SLC2A9: variants seen among roughly 807,000 people sequenced by gnomAD.
SLC2A9 encodes solute carrier family 2 member 9.
Under a neutral mutation model 50.6 loss-of-function variants are expected in SLC2A9, and 39 were observed. That is an observed-to-expected ratio of 0.77 (90% CI 0.60 to 1.01). The LOEUF (loss-of-function observed/expected upper bound fraction) is 1.01. Among genes scored for constraint, SLC2A9 ranks in the 50% least tolerant of loss-of-function variants. SLC2A9 has a pLI of 0.00. For missense variants in SLC2A9, 686 were observed against 677.6 expected, an observed-to-expected ratio of 1.01 and a Z score of -0.14; for synonymous variants, 324 against 276.9, an observed-to-expected ratio of 1.17 and a Z score of -1.69.
At chr4:9,997,172 T>C (rs1218826226) in intron 2 of SLC2A9, among the ~76,000 whole-genome samples, 1 of 152,238 alleles carries the variant, frequency 6.6e-6, no homozygotes, top group African/African-American at 2.4e-5. Context: ...GCTAGTTTTT[T>C]TGTGTTTCTT....
At chr4:9,817,041 C>T (rs1212757783) in intron 3 of SLC2A9, among the ~76,000 whole-genome samples, 1 of 152,174 alleles carries the variant, frequency 6.6e-6, no homozygotes, top group African/African-American at 2.4e-5. Context: ...GTCTTCAAGG[C>T]CAGCAGTGCA....
chr4:9,968,367 C>A (rs988047153), intron 5 of SLC2A9, among the ~76,000 whole-genome samples: 2 of 152,120 alleles, frequency 1.3e-5, no homozygotes, highest in Admixed American at 1.3e-4. Flanking sequence ...GAAGGTACAT[C>A]TTTTTGCTTG....
Position 9,849,049 on chromosome 4 carries a change from C to T in SLC2A9, c.1292-14041G>A, listed in dbSNP as rs551357310. ...GAGATGGAGGGCTAACCAGGGTGCA[C>T]GTTCAGTGAGAGCCTGGGCTGCGAT... On this transcript the variant is annotated intron_variant, in intron 10 of 11. Transcript: ENST00000264784. 4.5e-4 allele frequency among the ~76,000 whole-genome samples: 69 copies of T among 152,214 alleles called. 1 individual carries two copies. Among genetic ancestry groups the T allele is most frequent in the Non-Finnish European group, 8.2e-4 (56 of 68,008 alleles).
chr4:9,992,288 GC>G (rs1288872172), intron 3 of SLC2A9, among the ~76,000 whole-genome samples: 3 of 152,196 alleles, frequency 2.0e-5, no homozygotes, highest in African/African-American at 7.2e-5. Flanking sequence ...TTTTTTAAAA[GC>G]ACTTAATCCA....
intron 5 of SLC2A9, among the ~76,000 whole-genome samples, chr4:9,961,605 A>G (rs1404433874): frequency 6.6e-6 from 1 of 152,218 alleles, no homozygotes; most frequent in African/African-American, 2.4e-5. Context: ...CCAAAACTAT[A>G]AAAACCCTAG....
rs116605083 is a variant in SLC2A9, at chr4:9,987,178, G to A, written c.411-1385C>T. 3.6e-3 allele frequency among the ~76,000 whole-genome samples: 552 copies of A among 152,238 alleles called. 5 individuals carry two copies. Among genetic ancestry groups the A allele is most frequent in the African/African-American group, 0.012 (497 of 41,552 alleles). ...TCTATCACCCAGGCTGGAGTGGATTGGCACAATCTCTGCTCACTGCAGTTT... is the reference window on the plus strand; with the variant it reads ...TCTATCACCCAGGCTGGAGTGGATTAGCACAATCTCTGCTCACTGCAGTTT... On this transcript the variant is annotated intron_variant, in intron 3 of 11. Coordinates refer to ENST00000264784, the MANE Select transcript of SLC2A9 (RefSeq NM_020041.3).
intron 6 of SLC2A9, among the ~76,000 whole-genome samples, chr4:9,930,430 A>G (rs999745284): frequency 6.6e-6 from 1 of 152,296 alleles, no homozygotes; most frequent in Admixed American, 6.5e-5. Context: ...TAAACTTGCA[A>G]TTGCCTGTAG....
intron 5 of SLC2A9, among the ~76,000 whole-genome samples, chr4:9,977,955 T>C (rs1341050269): frequency 6.6e-6 from 1 of 152,216 alleles, no homozygotes; most frequent in Non-Finnish European, 1.5e-5. Flanking sequence ...CGCCTCTGGG[T>C]TAGTGTGCAC....
In SLC2A9 at chr4:9,971,671, T is replaced by A. The variant is rs73805313; in HGVS notation, c.681+8921A>T. Among the ~76,000 whole-genome samples the A allele has an allele frequency of 1.6e-3, 240 of 152,284 alleles. 1 individual carries two copies. Among genetic ancestry groups the A allele is most frequent in the East Asian group, 5.6e-3 (29 of 5,178 alleles). On this transcript the variant is annotated intron_variant, in intron 5 of 11. Coordinates refer to ENST00000264784, the MANE Select transcript of SLC2A9 (RefSeq NM_020041.3). Reference sequence around the variant, plus strand: ...CAAAATGGTTAACCAGTGATTTTTTTAAAAAATCTTGATCAAAAAAGGAAA... The same window carrying A: ...CAAAATGGTTAACCAGTGATTTTTTAAAAAAATCTTGATCAAAAAAGGAAA...
At chr4:9,884,594 C>T (rs2109695019) in intron 10 of SLC2A9, among the ~76,000 whole-genome samples, 1 of 152,106 alleles carries the variant, frequency 6.6e-6, no homozygotes, top group South Asian at 2.1e-4. Flanking sequence ...ATAGACAAAC[C>T]CTTCAGTTTT....
intron 3 of SLC2A9, chr4:9,782,768 C>G (rs762703888): frequency 6.2e-7 from 1 of 1,614,044 alleles, no homozygotes; most frequent in South Asian, 1.1e-5. Context: ...GACCTACACG[C>G]GCATCTACCG....
At chr4:9,802,268 CTT>C (rs35424269) in intron 3 of SLC2A9, among the ~76,000 whole-genome samples, 5 of 147,024 alleles carry the variant, frequency 3.4e-5, no homozygotes, top group African/African-American at 1.0e-4. Context: ...GAAAAATGCT[CTT>C]TTTTTTTTTT....
At chr4:9,960,392 T>G (rs1383376237) in intron 5 of SLC2A9, among the ~76,000 whole-genome samples, 1 of 152,166 alleles carries the variant, frequency 6.6e-6, no homozygotes, top group African/African-American at 2.4e-5. Flanking sequence ...AATACCTAAG[T>G]TGGTGGACAA....
chr4:9,983,675 G>A (rs542772743), intron 4 of SLC2A9, among the ~76,000 whole-genome samples: 20 of 152,296 alleles, frequency 1.3e-4, no homozygotes, highest in African/African-American at 4.6e-4. Flanking sequence ...CTGCCCAGCC[G>A]ACCCACAGAA....
chr4:10,035,066 C>G (rs1202474858), intron 1 of SLC2A9: 1 of 152,260 alleles, frequency 6.6e-6, no homozygotes, highest in East Asian at 1.9e-4. Flanking sequence ...CTGAAACTCT[C>G]TGGTGCAGGA....
intron 3 of SLC2A9, among the ~76,000 whole-genome samples, chr4:9,791,165 C>T (rs1719870842): frequency 6.6e-6 from 1 of 152,120 alleles, no homozygotes; most frequent in African/African-American, 2.4e-5. Flanking sequence ...TTCTCAGATT[C>T]CTTGTTGGCA....
chr4:10,038,506 CAAAAAAAAAAA>C (rs35698968), intron 1 of SLC2A9, among the ~76,000 whole-genome samples: 7 of 49,432 alleles, frequency 1.4e-4, no homozygotes, highest in Non-Finnish European at 1.8e-4. Context: ...GACTCTGTCT[CAAAAAAAAAAA>C]AAAAAAAAAA....
At chr4:9,782,407 C>T (rs1272666298) in intron 3 of SLC2A9, 4 of 1,614,042 alleles carry the variant, frequency 2.5e-6, no homozygotes, top group Non-Finnish European at 3.4e-6. Flanking sequence ...GCTCCACTGC[C>T]TCCATCCTGA....
At chr4:9,812,199 A>C (rs1435273023) in intron 3 of SLC2A9, among the ~76,000 whole-genome samples, 1 of 152,190 alleles carries the variant, frequency 6.6e-6, no homozygotes, top group Non-Finnish European at 1.5e-5. Context: ...ATCTCTCAAC[A>C]ATCCCTGATT....
Sources: allele counts gnomAD v4.1 joint callset (sites outside exome capture counted in the v4.1 genomes callset), GRCh38; gene constraint gnomAD v4.1.1; transcripts MANE v1.5; gene names NCBI Gene and HGNC (gene_info 2026-07-23, HGNC 2026-07-21).